Variants in LINGO2 observed in about 807,000 individuals in gnomAD.
LINGO2 encodes the protein leucine rich repeat and Ig domain containing 2.
A neutral mutation model predicts 30.6 loss-of-function variants in LINGO2; 14 were observed. The observed-to-expected ratio is 0.46, with a 90% CI of 0.30 to 0.72. LINGO2 has a LOEUF of 0.72. LINGO2 is among the 30% of genes least tolerant of loss of function. The pLI is 0.07. For synonymous variants in LINGO2, 317 were observed against 288.5 expected (o/e 1.10, Z -1.00); for missense variants, 729 against 751.7 (o/e 0.97, Z 0.35).
At chr9:28,198,306 C>T (rs191790654) in intron 4 of LINGO2, among the ~76,000 whole-genome samples, 1 of 151,580 alleles carries the variant, frequency 6.6e-6, no homozygotes, top group African/African-American at 2.4e-5. Context: ...ACAGTTTTAC[C>T]ACTAGTATTC....
At chr9:28,818,165 T>A in the LINGO2 span, among the ~76,000 whole-genome samples, 1 of 152,328 alleles carries the variant, frequency 6.6e-6, no homozygotes, top group East Asian at 1.9e-4. Context: ...CTTCTCATTC[T>A]GTCCATCATA....
the LINGO2 span, among the ~76,000 whole-genome samples, chr9:28,950,195 C>G: frequency 3.9e-5 from 6 of 152,122 alleles, no homozygotes; most frequent in Non-Finnish European, 7.4e-5. Flanking sequence ...AAGTCAACAC[C>G]GCTTCATGCT....
At chr9:29,189,677 T>C in the LINGO2 span, among the ~76,000 whole-genome samples, 1 of 151,618 alleles carries the variant, frequency 6.6e-6, no homozygotes, top group East Asian at 2.0e-4. Flanking sequence ...TGGGAGGTGG[T>C]TGTAGCGAGC....
In LINGO2 at chr9:28,405,798, A is replaced by G. The variant is rs1048936211; in HGVS notation, c.-278-32930T>C. ...TCCTTCTCTTCATTTCCCACCTCCA[A>G]TCAATACTTAAGCCTTCTCTATGGT... is the stretch of plus-strand genomic sequence containing the variant. On this transcript the variant is annotated intron_variant, in intron 2 of 5. Coordinates refer to ENST00000379992, the Ensembl canonical transcript of LINGO2. Among the ~76,000 whole-genome samples the G allele has an allele frequency of 5.9e-5, 9 of 152,100 alleles. No individual in the cohort carries two copies. In the South Asian group the frequency reaches 1.7e-3, roughly 28 times the overall value.
At chr9:29,207,518 A>G in the LINGO2 span, among the ~76,000 whole-genome samples, 2 of 152,198 alleles carry the variant, frequency 1.3e-5, no homozygotes, top group East Asian at 3.9e-4. Flanking sequence ...TGGGAATCTT[A>G]TATTTTTGCA....
rs1251833788 is a variant in LINGO2, at chr9:28,373,893, TC to T, written c.-278-1026del. 1.2e-4 allele frequency among the ~76,000 whole-genome samples: 15 copies of T among 120,268 alleles called. No individual in the cohort carries two copies. In the East Asian group the frequency reaches 3.4e-3, roughly 27 times the overall value. The allele number at this position is 120,268 out of a possible 152,430, so 78.9% of individuals were successfully genotyped here. A position where few individuals can be genotyped will look rare whatever the true frequency, so the allele number is the denominator to read the frequency against. ...CCAGCCTGGGCAATAAGAGCAAAAC[TC>T]CATCTCAAAAAAAAAAAAAAAAAGA... On this transcript the variant is annotated intron_variant, in intron 2 of 5. Transcript: ENST00000379992.
At chr9:28,847,200 G>T in the LINGO2 span, among the ~76,000 whole-genome samples, 1 of 148,162 alleles carries the variant, frequency 6.7e-6, no homozygotes, top group Admixed American at 6.7e-5. Flanking sequence ...ACCCATTTTT[G>T]GCCCCTAAGA....
the LINGO2 span, among the ~76,000 whole-genome samples, chr9:29,058,088 GA>G: frequency 1.1e-3 from 170 of 152,102 alleles, no homozygotes; most frequent in Middle Eastern, 0.014. Flanking sequence ...AAAACGGCAA[GA>G]AAATGTAACC....
intron 2 of LINGO2, among the ~76,000 whole-genome samples, chr9:28,392,816 G>A (rs559253239): frequency 6.6e-6 from 1 of 152,262 alleles, no homozygotes; most frequent in South Asian, 2.1e-4. Context: ...TGATCACTCA[G>A]GCAACTCCAA....
At chr9:28,724,869 A>C in the LINGO2 span, among the ~76,000 whole-genome samples, 5,394 of 152,206 alleles carry the variant, frequency 0.035, 313 homozygotes, top group African/African-American at 0.12. Context: ...CAAATACTAC[A>C]AGAAAGAAAC....
At chr9:28,491,947 G>A (rs1229728640) in intron 1 of LINGO2, among the ~76,000 whole-genome samples, 1 of 152,176 alleles carries the variant, frequency 6.6e-6, no homozygotes, top group Non-Finnish European at 1.5e-5. Flanking sequence ...GAAAAAGGGT[G>A]TATTATTTGT....
chr9:29,171,055 T>C, the LINGO2 span, among the ~76,000 whole-genome samples: 1 of 152,112 alleles, frequency 6.6e-6, no homozygotes, highest in African/African-American at 2.4e-5. Flanking sequence ...TCTTCTATCC[T>C]GTGTGGTTAT....
the LINGO2 span, among the ~76,000 whole-genome samples, chr9:28,819,851 T>A: frequency 1.9e-3 from 288 of 152,274 alleles, 1 homozygote; most frequent in African/African-American, 6.8e-3. Context: ...ATATCCCATT[T>A]ATTGTCTCTT....
chr9:28,632,651 GATATTTT>G (rs2135884696), intron 1 of LINGO2, among the ~76,000 whole-genome samples: 1 of 110,720 alleles, frequency 9.0e-6, no homozygotes, highest in East Asian at 2.9e-4. Context: ...TATTTACATA[GATATTTT>G]ATCTATATAA....
At chr9:28,531,064 T>TAA (rs1325706149) in intron 1 of LINGO2, among the ~76,000 whole-genome samples, 2 of 147,758 alleles carry the variant, frequency 1.4e-5, no homozygotes, top group East Asian at 1.9e-4. Flanking sequence ...TATATATATA[T>TAA]AATATATAAA....
At chr9:28,934,170 T>C in the LINGO2 span, among the ~76,000 whole-genome samples, 1 of 150,776 alleles carries the variant, frequency 6.6e-6, no homozygotes. Context: ...ATTTGTTTTA[T>C]TTCTTGTTGA....
the LINGO2 span, among the ~76,000 whole-genome samples, chr9:28,746,954 C>T: frequency 2.0e-5 from 3 of 151,988 alleles, no homozygotes; most frequent in African/African-American, 7.3e-5. Context: ...CTATATGTCA[C>T]ACACTTAGTG....
chr9:29,203,697 T>A, the LINGO2 span, among the ~76,000 whole-genome samples: 1 of 152,178 alleles, frequency 6.6e-6, no homozygotes, highest in Non-Finnish European at 1.5e-5. Context: ...TGGACATCTA[T>A]CTTCTGAAGC....
intron 1 of LINGO2, among the ~76,000 whole-genome samples, chr9:28,482,163 G>A (rs1825997965): frequency 6.6e-6 from 1 of 151,822 alleles, no homozygotes; most frequent in South Asian, 2.1e-4. Context: ...TGGGTCAAAT[G>A]GTATTTCTAG....
Sources: allele counts gnomAD v4.1 joint callset (sites outside exome capture counted in the v4.1 genomes callset), GRCh38; gene constraint gnomAD v4.1.1; transcripts MANE v1.5; gene names NCBI Gene and HGNC (gene_info 2026-07-23, HGNC 2026-07-21).